Variants in RBFOX1 observed in about 807,000 individuals in gnomAD.
RBFOX1 encodes the protein RNA binding fox-1 homolog 1.
In RBFOX1, 8 loss-of-function variants were observed where a neutral mutation model predicts 57.7. That is an observed-to-expected ratio of 0.14 (90% CI 0.08 to 0.25). The LOEUF (loss-of-function observed/expected upper bound fraction) is 0.25. Ranked by LOEUF, RBFOX1 falls within the 10% of genes least tolerant of loss-of-function variation. The pLI is 1.00. For synonymous variants in RBFOX1, 326 were observed against 222.4 expected, an observed-to-expected ratio of 1.47 and a Z score of -4.15; for missense variants, 611 against 548.5, an observed-to-expected ratio of 1.11 and a Z score of -1.14.
chr16:7,098,435 G>A (rs1319665327), intron 4 of RBFOX1, among the ~76,000 whole-genome samples: 1 of 152,206 alleles, frequency 6.6e-6, no homozygotes, highest in Non-Finnish European at 1.5e-5. Context: ...CTCCCAAAGT[G>A]CTGAGATTAC....
chr16:6,090,572 C>T (rs1425046521), intron 1 of RBFOX1, among the ~76,000 whole-genome samples: 2 of 152,348 alleles, frequency 1.3e-5, no homozygotes, highest in Non-Finnish European at 2.9e-5. Context: ...AAAAATCTAA[C>T]ATTCTGATGA....
rs112841567 is a variant in RBFOX1 at position 6,357,963 on chromosome 16, G to GAA, written c.-64+40920_-64+40921dup. 4.1e-3 allele frequency among the ~76,000 whole-genome samples: 473 copies of GAA among 115,156 alleles called. 7 individuals carry two copies. The highest frequency in any genetic ancestry group is 0.011 in the African/African-American group (387 of 34,596). The allele number at this position is 115,156 out of a possible 152,430, so 75.5% of individuals were successfully genotyped here. ...CAGAGCAAGACTCCATCTCAAAAAA[G>GAA]AAAAAAAAAAAAAAAGAAATTAATG... On this transcript the variant is annotated intron_variant, in intron 2 of 15. Coordinates refer to ENST00000550418, the MANE Select transcript of RBFOX1 (RefSeq NM_018723.4).
In RBFOX1 at chr16:5,750,065, T is replaced by C. The variant is rs138918716; in HGVS notation, c.319-117238T>C. ...TTTTGGTGTGGATGTCCTTTCTGTTTGTTAGTTTTCCTTCTAACAGTCAAG... is the reference window on the plus strand; with the variant it reads ...TTTTGGTGTGGATGTCCTTTCTGTTCGTTAGTTTTCCTTCTAACAGTCAAG... On this transcript the variant is annotated intron_variant, in intron 3 of 19. Coordinates refer to the RBFOX1 transcript ENST00000641259. Among the ~76,000 whole-genome samples the C allele has an allele frequency of 9.5e-3, 1,446 of 152,332 alleles. 9 individuals carry two copies. The highest frequency in any genetic ancestry group is 0.017 in the South Asian group (84 of 4,828).
intron 4 of RBFOX1, among the ~76,000 whole-genome samples, chr16:5,922,336 A>T (rs2058842687): frequency 6.6e-6 from 1 of 152,200 alleles, no homozygotes; most frequent in African/African-American, 2.4e-5. Context: ...TGTAAAGGGG[A>T]CAAACATCTA....
chr16:6,637,017 G>T (rs1251657522), intron 2 of RBFOX1, among the ~76,000 whole-genome samples: 2 of 110,378 alleles, frequency 1.8e-5, no homozygotes, highest in African/African-American at 7.4e-5. Flanking sequence ...ATAAATATGT[G>T]TATAAACATT....
In RBFOX1 at chr16:6,553,495, A is replaced by G. The variant is rs145308161; in HGVS notation, c.-63-101108A>G. On this transcript the variant is annotated intron_variant, in intron 2 of 15. Coordinates refer to ENST00000550418, the MANE Select transcript of RBFOX1 (RefSeq NM_018723.4). ...CTTGGTGGAAATTGATGCCACCTAC[A>G]CCAATCCACACAAGTACATGCACCT... is the stretch of plus-strand genomic sequence containing the variant. 3.8e-3 allele frequency among the ~76,000 whole-genome samples: 581 copies of G among 152,278 alleles called. 9 individuals carry two copies. Among genetic ancestry groups the G allele is most frequent in the African/African-American group, 0.013 (543 of 41,544 alleles).
intron 3 of RBFOX1, among the ~76,000 whole-genome samples, chr16:5,854,343 C>G (rs971675151): frequency 1.3e-5 from 2 of 152,232 alleles, no homozygotes; most frequent in African/African-American, 4.8e-5. Context: ...TATTTCTTCT[C>G]ACCTCCGGTG....
intron 3 of RBFOX1, among the ~76,000 whole-genome samples, chr16:5,647,848 G>GTTTTGT (rs148601666): frequency 2.0e-5 from 3 of 151,728 alleles, no homozygotes; most frequent in Non-Finnish European, 2.9e-5. Flanking sequence ...CTTGTAGGCT[G>GTTTTGT]TTTTGTTTTT....
At chr16:6,962,194 A>ACT (rs2083166094) in intron 3 of RBFOX1, among the ~76,000 whole-genome samples, 1 of 151,736 alleles carries the variant, frequency 6.6e-6, no homozygotes, top group Non-Finnish European at 1.5e-5. Context: ...TGGCAGAATG[A>ACT]CTCCAACTCT....
At chr16:6,829,376 C>T (rs530415378) in intron 3 of RBFOX1, among the ~76,000 whole-genome samples, 65 of 150,702 alleles carry the variant, frequency 4.3e-4, no homozygotes, top group Admixed American at 1.9e-3. Context: ...CACACACATA[C>T]ATACACAGAC....
intron 3 of RBFOX1, among the ~76,000 whole-genome samples, chr16:6,906,362 C>A (rs115244182): frequency 6.6e-6 from 1 of 151,702 alleles, no homozygotes; most frequent in Non-Finnish European, 1.5e-5. Context: ...GTTGAAAACT[C>A]GGTAATAACA....
chr16:6,793,530 G>C (rs1034823384), intron 3 of RBFOX1, among the ~76,000 whole-genome samples: 1 of 152,038 alleles, frequency 6.6e-6, no homozygotes, highest in Non-Finnish European at 1.5e-5. Flanking sequence ...ACATTTCTAG[G>C]TCTTTGTTAT....
chr16:6,922,978 C>A (rs565511152), intron 3 of RBFOX1, among the ~76,000 whole-genome samples: 2 of 152,122 alleles, frequency 1.3e-5, no homozygotes, highest in Admixed American at 6.5e-5. Context: ...ATGTAAGGTG[C>A]CTTTAATACA....
chr16:6,628,366 T>A lies in RBFOX1; in HGVS notation c.-63-26237T>A, dbSNP rs150980773. Among the ~76,000 whole-genome samples the A allele has an allele frequency of 9.1e-4, 138 of 152,354 alleles. No individual in the cohort carries two copies. In the Middle Eastern group the frequency reaches 0.014, roughly 15 times the overall value. On this transcript the variant is annotated intron_variant, in intron 2 of 15. Transcript: ENST00000550418. ...GTCCCAACAGCAGGATGTGATTTTA[T>A]GTTTTGTGGTACATGGACATGCATT...
intron 4 of RBFOX1, among the ~76,000 whole-genome samples, chr16:7,133,322 T>G (rs1158149821): frequency 1.3e-5 from 2 of 152,236 alleles, no homozygotes; most frequent in Non-Finnish European, 2.9e-5. Context: ...GCTTTTGAGA[T>G]ATTTGGTTTC....
At position 6,930,416 on chromosome 16, in the gene RBFOX1, G is replaced by A. The variant is rs1377675020; in HGVS notation, c.-15-121641G>A. Among the ~76,000 whole-genome samples the A allele has an allele frequency of 2.6e-5, 4 of 152,042 alleles. No homozygotes were observed. The South Asian group carries it at 8.3e-4, about 32-fold the overall frequency. ...CATCAGGATGGCTATTTTTGTTATT[G>A]TTGTTATTGTTGAGAAACAGTCTCA... On this transcript the variant is annotated intron_variant, in intron 3 of 15. Transcript: ENST00000550418.
intron 14 of RBFOX1, among the ~76,000 whole-genome samples, chr16:7,697,652 T>A (rs758216953): frequency 6.6e-6 from 1 of 152,158 alleles, no homozygotes; most frequent in African/African-American, 2.4e-5. Context: ...CAGAAACATT[T>A]AGTAGCTTGC....
intron 2 of RBFOX1, among the ~76,000 whole-genome samples, chr16:5,589,581 C>G (rs539129464): frequency 2.0e-5 from 3 of 152,338 alleles, no homozygotes; most frequent in African/African-American, 7.2e-5. Flanking sequence ...AACCCTCACA[C>G]TATTCTACGT....
chr16:7,583,327 T>C (rs1232952485), intron 6 of RBFOX1, among the ~76,000 whole-genome samples: 1 of 152,200 alleles, frequency 6.6e-6, no homozygotes, highest in Non-Finnish European at 1.5e-5. Flanking sequence ...GTTAGTTTTA[T>C]AGGTGGCTAC....
Sources: allele counts gnomAD v4.1 joint callset (sites outside exome capture counted in the v4.1 genomes callset), GRCh38; gene constraint gnomAD v4.1.1; transcripts MANE v1.5; gene names NCBI Gene and HGNC (gene_info 2026-07-23, HGNC 2026-07-21).